Variants in TTC6 observed in about 807,000 individuals in gnomAD.
The protein encoded by TTC6 is tetratricopeptide repeat protein 6.
A neutral mutation model predicts 210.4 loss-of-function variants in TTC6; 172 were observed. That is an observed-to-expected ratio of 0.82 (90% CI 0.72 to 0.93). The LOEUF is 0.93. Among genes scored for constraint, TTC6 ranks in the 40% least tolerant of loss-of-function variants. The probability of loss-of-function intolerance (pLI) is 0.00; values close to 1 mark genes in which losing one functional copy is unlikely to be tolerated. For synonymous variants in TTC6, 804 were observed against 819.6 expected (o/e 0.98, Z 0.32); for missense variants, 2,414 against 2,318.1 (o/e 1.04, Z -0.85).
At chr14:37,826,103 T>A in intron 27 of TTC6, 92 bp from the exon 30 acceptor site, 6 of 1,323,876 alleles carry the variant, frequency 4.5e-6, no homozygotes, top group Non-Finnish European at 6.1e-6. Flanking sequence ...AATATACCCT[T>A]ACTAAAGGTT....
chr14:37,713,630 C>T (rs2095848064), intron 5 of TTC6, among the ~76,000 whole-genome samples: 1 of 152,126 alleles, frequency 6.6e-6, no homozygotes, highest in Non-Finnish European at 1.5e-5. Context: ...ATTCACCTTG[C>T]TGGGAGTAGA....
intron 2 of TTC6, 60 bp downstream of exon 2, chr14:37,606,802 A>G (rs2095626009): frequency 1.0e-6 from 1 of 983,720 alleles, no homozygotes; most frequent in Non-Finnish European, 1.2e-6. Context: ...AAAAGGCTCT[A>G]CTCCTTCCCT....
At chr14:37,672,286 G>A (rs564115716) in intron 1 of TTC6, among the ~76,000 whole-genome samples, 2 of 152,154 alleles carry the variant, frequency 1.3e-5, no homozygotes, top group African/African-American at 2.4e-5. Flanking sequence ...ACTAAAACTG[G>A]TACATCCTCT....
chr14:37,627,017 A>G (rs958355151), intron 1 of TTC6, among the ~76,000 whole-genome samples: 1 of 152,016 alleles, frequency 6.6e-6, no homozygotes, highest in African/African-American at 2.4e-5. Flanking sequence ...TCATGGTGGG[A>G]TCCCTCATGG....
chr14:37,597,366 C>T (rs1015964725), intron 1 of TTC6, among the ~76,000 whole-genome samples: 2 of 151,868 alleles, frequency 1.3e-5, no homozygotes, highest in African/African-American at 4.8e-5. Flanking sequence ...TAACACCGAG[C>T]AAGACTAGGT....
chr14:37,833,030 C>T (rs1198444095), intron 29 of TTC6, among the ~76,000 whole-genome samples: 2 of 139,376 alleles, frequency 1.4e-5, no homozygotes, highest in African/African-American at 5.4e-5. Flanking sequence ...TGCACTCTGG[C>T]CTGGTGATAG....
intron 14 of TTC6, among the ~76,000 whole-genome samples, chr14:37,771,968 A>T (rs1175519254): frequency 6.6e-6 from 1 of 152,108 alleles, no homozygotes; most frequent in Admixed American, 6.6e-5. Context: ...ATGGTGATGT[A>T]CAGATGGGTT....
chr14:37,674,356 T>C (rs1171784228), intron 1 of TTC6, among the ~76,000 whole-genome samples: 1 of 152,172 alleles, frequency 6.6e-6, no homozygotes, highest in Non-Finnish European at 1.5e-5. Context: ...AATTATGTTC[T>C]TTTCTGTTTC....
intron 10 of TTC6, among the ~76,000 whole-genome samples, chr14:37,741,998 C>G (rs11845095): frequency 0.66 from 100,726 of 152,016 alleles, 33,938 homozygotes; most frequent in East Asian, 0.89. Flanking sequence ...CCCACAGTGA[C>G]CTCTTCCTAT....
In TTC6 at chr14:37,733,829, C is replaced by CT. The variant is rs564128802; in HGVS notation, c.1819-2085dup. Among the ~76,000 whole-genome samples, 56 of 152,048 alleles carry CT rather than the reference C, an allele frequency of 3.7e-4. No individual in the cohort carries two copies. In the East Asian group the frequency reaches 5.0e-3, roughly 14 times the overall value. On this transcript the variant is annotated intron_variant, in intron 7 of 30. Coordinates refer to ENST00000553443, the Ensembl canonical transcript of TTC6. ...GACTTTAATCACATGTATTAATTAC[C>CT]TTTTTTTCTCTTGTGCTTGGTATTG...
intron 14 of TTC6, among the ~76,000 whole-genome samples, chr14:37,759,120 A>G (rs1213814798): frequency 6.6e-6 from 1 of 151,928 alleles, no homozygotes; most frequent in Non-Finnish European, 1.5e-5. Flanking sequence ...AAAATTAGCC[A>G]GGCGTGGTGG....
chr14:37,699,192 C>T (rs958378407), intron 4 of TTC6, among the ~76,000 whole-genome samples: 2 of 152,182 alleles, frequency 1.3e-5, no homozygotes, highest in African/African-American at 4.8e-5. Context: ...AATATTTAGA[C>T]ATGGACAAAA....
At chr14:37,771,160 T>C (rs972177223) in intron 14 of TTC6, among the ~76,000 whole-genome samples, 1 of 152,186 alleles carries the variant, frequency 6.6e-6, no homozygotes, top group Non-Finnish European at 1.5e-5. Context: ...ATAGGGTTTC[T>C]GCCGAGAGAT....
intron 1 of TTC6, among the ~76,000 whole-genome samples, chr14:37,675,416 G>C (rs2095766971): frequency 6.6e-6 from 1 of 152,042 alleles, no homozygotes; most frequent in East Asian, 1.9e-4. Flanking sequence ...CATTAATTTT[G>C]TTGGTTGAAT....
chr14:37,607,569 G>C (rs141505262), intron 2 of TTC6, among the ~76,000 whole-genome samples: 1 of 151,048 alleles, frequency 6.6e-6, no homozygotes, highest in African/African-American at 2.4e-5. Context: ...TGTAGGAAAA[G>C]TTCATGAAAG....
intron 25 of TTC6, among the ~76,000 whole-genome samples, chr14:37,814,301 T>C (rs1410816501): frequency 6.6e-6 from 1 of 152,112 alleles, no homozygotes; most frequent in Non-Finnish European, 1.5e-5. Flanking sequence ...CACAAGCGAG[T>C]CCCTATGCGT....
chr14:37,692,009 A>G (rs1421785474), intron 3 of TTC6, among the ~76,000 whole-genome samples: 1 of 151,894 alleles, frequency 6.6e-6, no homozygotes, highest in Non-Finnish European at 1.5e-5. Flanking sequence ...CAGACCCATA[A>G]CAGGTAACAA....
At chr14:37,721,037 T>C (rs1394677292) in intron 6 of TTC6, among the ~76,000 whole-genome samples, 1 of 150,198 alleles carries the variant, frequency 6.7e-6, no homozygotes, top group Non-Finnish European at 1.5e-5. Context: ...AATCTACAAT[T>C]ATCTCAAAAT....
chr14:37,778,097 A>G (rs2096043502), intron 14 of TTC6, among the ~76,000 whole-genome samples: 1 of 152,174 alleles, frequency 6.6e-6, no homozygotes, highest in Admixed American at 6.5e-5. Flanking sequence ...CCCTTTGCAC[A>G]TGCCAGCAGC....
Sources: gnomAD v4.1 joint callset for allele counts (sites outside exome capture counted in the v4.1 genomes callset) on GRCh38, gnomAD v4.1.1 for gene constraint, MANE v1.5 for transcripts, NCBI Gene and HGNC (gene_info 2026-07-23, HGNC 2026-07-21) for gene names.